The following ATAD2B variants were observed in gnomAD, a reference collection of about 807,000 sequenced individuals.
ATAD2B encodes ATPase family AAA domain containing 2B.
ATAD2B carries 40 observed loss-of-function variants against 167.6 expected under a neutral mutation model. That is an observed-to-expected ratio of 0.24 (90% CI 0.19 to 0.31). The LOEUF (loss-of-function observed/expected upper bound fraction) is 0.31, where lower values mean the gene tolerates loss of function less well. Among genes scored for constraint, ATAD2B ranks in the 10% least tolerant of loss-of-function variants. The probability of loss-of-function intolerance (pLI) is 1.00; values close to 1 mark genes in which losing one functional copy is unlikely to be tolerated. For missense variants in ATAD2B, 1,242 were observed against 1,757.2 expected (o/e 0.71, Z 5.24); for synonymous variants, 579 against 596.5 (o/e 0.97, Z 0.43).
At chr2:23,773,801 C>T (rs1678699015) in intron 22 of ATAD2B, among the ~76,000 whole-genome samples, 2 of 152,152 alleles carry the variant, frequency 1.3e-5, no homozygotes, top group South Asian at 4.1e-4. Context: ...TGCCATATAA[C>T]ATCTGTGGGT....
the ATAD2B span, chr2:23,693,639 TAAGTGGCAG>T: frequency 8.6e-7 from 1 of 1,162,224 alleles, no homozygotes; most frequent in Non-Finnish European, 1.2e-6. Flanking sequence ...CTGCTCTCCC[TAAGTGGCAG>T]AGAGGTGAAG....
intron 4 of ATAD2B, among the ~76,000 whole-genome samples, chr2:23,886,882 G>C (rs1031861416): frequency 2.7e-4 from 41 of 149,676 alleles, no homozygotes; most frequent in African/African-American, 1.0e-3. Context: ...AGTGAGCCGA[G>C]ATCACGCCAC....
At chr2:23,872,835 C>T (rs1696211898) in intron 8 of ATAD2B, 8 of 987,072 alleles carry the variant, frequency 8.1e-6, no homozygotes, top group African/African-American at 4.8e-5. Context: ...CTCTTCTGCA[C>T]TGAGGTGAAG....
intron 2 of ATAD2B, among the ~76,000 whole-genome samples, chr2:23,891,956 G>A (rs753126816): frequency 1.3e-5 from 2 of 152,046 alleles, no homozygotes; most frequent in Non-Finnish European, 2.9e-5. Context: ...ATAAACTCAA[G>A]GCATTTAATG....
chr2:23,817,727 A>G (rs1301628935), intron 17 of ATAD2B, among the ~76,000 whole-genome samples: 2 of 152,250 alleles, frequency 1.3e-5, no homozygotes, highest in Admixed American at 6.5e-5. Context: ...TTATTAAAAC[A>G]TCTAAAAAAT....
In ATAD2B at chr2:23,819,872, A is replaced by C. The variant is rs1687190751; in HGVS notation, c.2142T>G (p.Thr714=). The C allele has an allele frequency of 1.3e-6, 2 of 1,579,148 alleles. No homozygotes were observed. Among genetic ancestry groups the C allele is most frequent in the East Asian group, 4.5e-5 (2 of 44,524 alleles). The change falls in exon 17 of 28, where the codon ACT becomes ACG. Residue 714 remains threonine, a synonymous_variant. Coordinates refer to ENST00000238789, the MANE Select transcript of ATAD2B (RefSeq NM_017552.4). The part of the protein sequence containing the change: ...SQSDKKEDIE[T]LILEDSEDEN... ...CATCTTCACTATCCTCTAAAATTAA[A>C]GTTTCTATATCTGTTTAAAAAAATC...
chr2:23,769,386 G>T (rs1677948660), intron 22 of ATAD2B, among the ~76,000 whole-genome samples: 1 of 152,112 alleles, frequency 6.6e-6, no homozygotes, highest in Non-Finnish European at 1.5e-5. Flanking sequence ...GTTGCAGTGA[G>T]CCGAGACAGC....
intron 13 of ATAD2B, chr2:23,856,386 T>C (rs933466344): frequency 1.2e-5 from 4 of 334,048 alleles, no homozygotes; most frequent in South Asian, 2.3e-5. Flanking sequence ...ATTTCAGATT[T>C]CAGATTTTTG....
At chr2:23,722,430 G>A in the ATAD2B span, among the ~76,000 whole-genome samples, 34 of 152,258 alleles carry the variant, frequency 2.2e-4, no homozygotes, top group Non-Finnish European at 4.9e-4. Flanking sequence ...TCCTGGAGCT[G>A]AAGATTTCAG....
chr2:23,832,764 T>C (rs1302663163), intron 14 of ATAD2B, among the ~76,000 whole-genome samples: 3 of 152,164 alleles, frequency 2.0e-5, no homozygotes, highest in Admixed American at 6.5e-5. Context: ...AGAAGACAAA[T>C]GGGAAATCAA....
At chr2:23,921,080 C>T (rs994445380) in intron 1 of ATAD2B, among the ~76,000 whole-genome samples, 41 of 151,870 alleles carry the variant, frequency 2.7e-4, no homozygotes, top group African/African-American at 9.7e-4. Context: ...GTGGCAGGCG[C>T]CTGTAATGCC....
intron 14 of ATAD2B, among the ~76,000 whole-genome samples, chr2:23,833,499 T>C (rs1689400879): frequency 1.3e-5 from 2 of 152,350 alleles, no homozygotes; most frequent in South Asian, 4.1e-4. Flanking sequence ...GAATAAAGTT[T>C]GTTGCTTTTA....
chr2:23,915,586 CTTTTTTTTTTTTTTT>C (rs869032768), intron 1 of ATAD2B, among the ~76,000 whole-genome samples: 6 of 65,240 alleles, frequency 9.2e-5, no homozygotes, highest in Admixed American at 2.6e-4. Context: ...ACTACCGATT[CTTTTTTTTTTTTTTT>C]TTTTTTTTTT....
rs942785865 is a variant in ATAD2B, at chr2:23,750,201, C to T, written c.*1845G>A. On this transcript the variant is annotated 3_prime_UTR_variant, in exon 28 of 28. Coordinates refer to ENST00000238789, the MANE Select transcript of ATAD2B (RefSeq NM_017552.4). ...CCCTTTAAAATGGTTCATCGTTAAT[C>T]GCACTTGCCCACCTTAAAAATACAG... 1 of 152,088 alleles carries T rather than the reference C, an allele frequency of 6.6e-6. No individual in the cohort carries two copies. Among genetic ancestry groups the T allele is most frequent in the African/African-American group, 2.4e-5 (1 of 41,418 alleles). 9.4% of individuals were successfully genotyped at this position (152,088 alleles called of 1,614,324 possible). A position where few individuals can be genotyped will look rare whatever the true frequency, so the allele number is the denominator to read the frequency against.
intron 1 of ATAD2B, among the ~76,000 whole-genome samples, chr2:23,896,711 G>A (rs181026068): frequency 7.8e-4 from 119 of 152,272 alleles, no homozygotes; most frequent in African/African-American, 2.8e-3. Flanking sequence ...TTCACCAAAT[G>A]TCCCAACAAT....
In ATAD2B at chr2:23,895,944, A is replaced by G; in HGVS notation, c.243T>C (p.Ser81=). ...ARKVEVDGSL[S]DSHVSPPAKR... ...TGGCTGGAGGAGATACGTGGCTATC[A>G]CTTAAACTACCATCAACTTCAACTT... is the stretch of plus-strand genomic sequence containing the variant. The change falls in exon 2 of 28, where the codon AGT becomes AGC. Residue 81 remains serine (S), a synonymous_variant. Transcript: ENST00000238789. 1 of 1,612,900 alleles carries G rather than the reference A, an allele frequency of 6.2e-7. No homozygotes were observed. The highest frequency in any genetic ancestry group is 1.7e-5 in the Admixed American group (1 of 59,966).
chr2:23,926,066 G>A (rs1424859846), intron 1 of ATAD2B, among the ~76,000 whole-genome samples: 1 of 152,144 alleles, frequency 6.6e-6, no homozygotes, highest in African/African-American at 2.4e-5. Flanking sequence ...CTGCCAACTG[G>A]AGCTCTCTGT....
intron 12 of ATAD2B, among the ~76,000 whole-genome samples, chr2:23,860,514 GTTT>G (rs1694180504): frequency 6.6e-6 from 1 of 152,106 alleles, no homozygotes; most frequent in South Asian, 2.1e-4. Flanking sequence ...CAAATGAGAA[GTTT>G]TTATCATATA....
the ATAD2B span, among the ~76,000 whole-genome samples, chr2:23,701,143 G>A: frequency 3.3e-5 from 5 of 152,084 alleles, no homozygotes; most frequent in Non-Finnish European, 7.4e-5. Flanking sequence ...CACCAGTAGT[G>A]TCACCATCCA....
Sources: gnomAD v4.1 joint callset for allele counts (sites outside exome capture counted in the v4.1 genomes callset) on GRCh38, gnomAD v4.1.1 for gene constraint, MANE v1.5 for transcripts, NCBI Gene and HGNC (gene_info 2026-07-23, HGNC 2026-07-21) for gene names.